Variants in SLC16A7 observed in about 807,000 individuals in gnomAD.
SLC16A7 encodes the protein solute carrier family 16 member 7.
A neutral mutation model predicts 34.9 loss-of-function variants in SLC16A7; 33 were observed. That is an observed-to-expected ratio of 0.94 (90% confidence interval 0.72 to 1.26). The LOEUF (loss-of-function observed/expected upper bound fraction) is 1.26. Among genes scored for constraint, SLC16A7 ranks in the 50% most tolerant of loss-of-function variants. SLC16A7 has a pLI of 0.00. For synonymous variants in SLC16A7, 201 were observed against 206.6 expected, an observed-to-expected ratio of 0.97 and a Z score of 0.23; for missense variants, 573 against 578.1, an observed-to-expected ratio of 0.99 and a Z score of 0.09.
At chr12:59,610,760 G>A (rs923406583) in intron 1 of SLC16A7, among the ~76,000 whole-genome samples, 2 of 152,158 alleles carry the variant, frequency 1.3e-5, no homozygotes, top group South Asian at 2.1e-4. Context: ...GTTTAAAAAC[G>A]TGTTTCTTTA....
chr12:59,777,777 A>G (rs967934559), intron 5 of SLC16A7, among the ~76,000 whole-genome samples: 1 of 149,216 alleles, frequency 6.7e-6, no homozygotes, highest in Non-Finnish European at 1.5e-5. Context: ...AGCATTAGGT[A>G]TATCTCCTAA....
At chr12:59,744,186 G>A (rs983859618) in intron 3 of SLC16A7, among the ~76,000 whole-genome samples, 7 of 152,156 alleles carry the variant, frequency 4.6e-5, no homozygotes, top group East Asian at 1.9e-4. Context: ...AGCCCAAAAT[G>A]AGAACATACA....
intron 3 of SLC16A7, among the ~76,000 whole-genome samples, chr12:59,754,058 T>C (rs142934729): frequency 0.12 from 18,581 of 151,916 alleles, 1,488 homozygotes; most frequent in African/African-American, 0.22. Context: ...TTGAAACCAA[T>C]GAGAACAAAG....
At chr12:59,729,404 G>T (rs1876669072) in intron 3 of SLC16A7, among the ~76,000 whole-genome samples, 1 of 152,140 alleles carries the variant, frequency 6.6e-6, no homozygotes, top group Admixed American at 6.5e-5. Context: ...ATGTCTCTCT[G>T]TTTCGGTTTC....
intron 1 of SLC16A7, among the ~76,000 whole-genome samples, chr12:59,635,189 G>T (rs1880362172): frequency 1.3e-5 from 2 of 152,024 alleles, no homozygotes; most frequent in Admixed American, 6.6e-5. Context: ...CTCATTACAT[G>T]CTGCTGACCT....
chr12:59,708,669 A>T (rs899807105), intron 3 of SLC16A7, among the ~76,000 whole-genome samples: 1 of 152,058 alleles, frequency 6.6e-6, no homozygotes, highest in African/African-American at 2.4e-5. Flanking sequence ...CAACCTATTA[A>T]TCACTACTGT....
intron 3 of SLC16A7, among the ~76,000 whole-genome samples, chr12:59,716,412 A>G (rs1280482392): frequency 6.6e-6 from 1 of 152,210 alleles, no homozygotes; most frequent in East Asian, 1.9e-4. Flanking sequence ...AAATAGGACT[A>G]TGAGAGAAAT....
intron 2 of SLC16A7, among the ~76,000 whole-genome samples, chr12:59,664,306 A>G (rs1377031543): frequency 1.3e-5 from 2 of 152,136 alleles, no homozygotes; most frequent in African/African-American, 4.8e-5. Flanking sequence ...TAAAACGAAG[A>G]TGGTACTAAT....
At chr12:59,633,477 C>T (rs898072809) in intron 1 of SLC16A7, among the ~76,000 whole-genome samples, 8 of 151,988 alleles carry the variant, frequency 5.3e-5, no homozygotes, top group Non-Finnish European at 8.8e-5. Context: ...AGGTGTTTCA[C>T]ATTCGGTGAT....
At chr12:59,697,263 G>A (rs1565655046) in intron 2 of SLC16A7, among the ~76,000 whole-genome samples, 1 of 151,992 alleles carries the variant, frequency 6.6e-6, no homozygotes, top group Non-Finnish European at 1.5e-5. Context: ...TCTATGGAAG[G>A]CTGATGTGCA....
intron 1 of SLC16A7, among the ~76,000 whole-genome samples, chr12:59,630,267 A>G (rs533633502): frequency 6.6e-6 from 1 of 151,866 alleles, no homozygotes; most frequent in Admixed American, 6.6e-5. Context: ...ATATTGGTTC[A>G]CTTGTGGAAT....
chr12:59,613,659 G>T lies in SLC16A7; in HGVS notation c.-130+17423G>T, dbSNP rs574618490. Among the ~76,000 whole-genome samples the T allele has an allele frequency of 2.0e-5, 3 of 152,242 alleles. No homozygotes were observed. In the South Asian group the frequency reaches 6.2e-4, roughly 32 times the overall value. On this transcript the variant is annotated intron_variant, in intron 1 of 5. Coordinates refer to ENST00000547379, the MANE Select transcript of SLC16A7 (RefSeq NM_001270623.2). ...AGTGTGGGAAGACTATCAGGTAGAA[G>T]ATACATACTACCCACTCAATGGTAT...
chr12:59,786,562 T>A lies in SLC16A7; in HGVS notation c.*6883T>A, dbSNP rs1379541623. 6.6e-6 allele frequency: 1 copy of A among 152,200 alleles called. No homozygotes were observed. The highest frequency in any genetic ancestry group is 1.5e-5 in the Non-Finnish European group (1 of 68,018). 9.4% of individuals were successfully genotyped at this position (152,200 alleles called of 1,614,324 possible). On this transcript the variant is annotated 3_prime_UTR_variant, in exon 6 of 6. Coordinates refer to ENST00000547379, the MANE Select transcript of SLC16A7 (RefSeq NM_001270623.2). ...GTGAAATAGCAAATATGAATTAAAA[T>A]ATTTATTTCTAAACATTAGATCTAA...
chr12:59,706,902 A>C (rs1289074810), intron 3 of SLC16A7, among the ~76,000 whole-genome samples: 1 of 151,674 alleles, frequency 6.6e-6, no homozygotes, highest in Non-Finnish European at 1.5e-5. Context: ...CAGTAGGACA[A>C]AATTTTATAT....
intron 1 of SLC16A7, among the ~76,000 whole-genome samples, chr12:59,652,246 A>G (rs935333345): frequency 2.0e-5 from 3 of 152,070 alleles, no homozygotes; most frequent in Non-Finnish European, 4.4e-5. Context: ...ATTATTCTGT[A>G]GATAATAATC....
chr12:59,692,706 C>T (rs1481296583), intron 2 of SLC16A7, among the ~76,000 whole-genome samples: 2 of 151,938 alleles, frequency 1.3e-5, no homozygotes, highest in African/African-American at 2.4e-5. Flanking sequence ...TTAGCATTCT[C>T]AAAGTCATTT....
chr12:59,678,736 G>C (rs1870511411), intron 2 of SLC16A7, among the ~76,000 whole-genome samples: 1 of 152,084 alleles, frequency 6.6e-6, no homozygotes, highest in Non-Finnish European at 1.5e-5. Context: ...GCCTTCCCCA[G>C]CTTGAAGGTG....
intron 3 of SLC16A7, among the ~76,000 whole-genome samples, chr12:59,709,584 TA>T (rs1156846003): frequency 1.3e-5 from 2 of 151,578 alleles, no homozygotes; most frequent in Non-Finnish European, 2.9e-5. Flanking sequence ...TTAGCAGCAA[TA>T]AAAAAAGAAA....
chr12:59,637,044 A>C (rs1880460894), intron 1 of SLC16A7, among the ~76,000 whole-genome samples: 1 of 152,168 alleles, frequency 6.6e-6, no homozygotes, highest in Non-Finnish European at 1.5e-5. Context: ...AGTATTAAAA[A>C]AGAAACTGTC....
Sources: gnomAD v4.1 joint callset for allele counts (sites outside exome capture counted in the v4.1 genomes callset) on GRCh38, gnomAD v4.1.1 for gene constraint, MANE v1.5 for transcripts, NCBI Gene and HGNC (gene_info 2026-07-23, HGNC 2026-07-21) for gene names.